RBFOX1: variants seen among roughly 807,000 people sequenced by gnomAD.
RBFOX1 encodes the protein RNA binding protein fox-1 homolog 1.
Under a neutral mutation model 57.7 loss-of-function variants are expected in RBFOX1, and 8 were observed. The observed-to-expected ratio is 0.14, with a 90% CI of 0.08 to 0.25. The LOEUF (loss-of-function observed/expected upper bound fraction) is 0.25, where lower values mean the gene tolerates loss of function less well. RBFOX1 is among the 10% of genes least tolerant of loss of function. RBFOX1 has a pLI of 1.00. For synonymous variants in RBFOX1, 326 were observed against 222.4 expected (o/e 1.47, Z -4.15); for missense variants, 611 against 548.5 (o/e 1.11, Z -1.14).
chr16:6,083,188 A>C (rs1038705737), intron 1 of RBFOX1, among the ~76,000 whole-genome samples: 5 of 152,038 alleles, frequency 3.3e-5, no homozygotes, highest in African/African-American at 1.2e-4. Context: ...TTTTTAGTGG[A>C]GATGGGGTTT....
At chr16:7,549,711 T>A (rs924665567) in intron 5 of RBFOX1, among the ~76,000 whole-genome samples, 4 of 152,106 alleles carry the variant, frequency 2.6e-5, no homozygotes, top group African/African-American at 9.7e-5. Flanking sequence ...CAGTTTAGTC[T>A]TTCCACCTTC....
intron 1 of RBFOX1, among the ~76,000 whole-genome samples, chr16:6,301,252 A>C (rs959725567): frequency 3.9e-5 from 6 of 152,224 alleles, no homozygotes; most frequent in African/African-American, 1.2e-4. Flanking sequence ...TTTCATATAC[A>C]TGAGTTCTGT....
At chr16:5,918,923 C>G (rs1270892663) in intron 4 of RBFOX1, among the ~76,000 whole-genome samples, 1 of 152,168 alleles carries the variant, frequency 6.6e-6, no homozygotes, top group African/African-American at 2.4e-5. Context: ...AATGCTGGCT[C>G]TACAGGTGCT....
intron 1 of RBFOX1, among the ~76,000 whole-genome samples, chr16:6,230,987 G>A (rs1325679424): frequency 6.6e-6 from 1 of 152,166 alleles, no homozygotes; most frequent in Non-Finnish European, 1.5e-5. Context: ...AGGAGAAATA[G>A]TGAACCAGTA....
chr16:6,562,239 C>G (rs1283518175), intron 2 of RBFOX1, among the ~76,000 whole-genome samples: 1 of 152,226 alleles, frequency 6.6e-6, no homozygotes, highest in African/African-American at 2.4e-5. Flanking sequence ...GATTTAACCA[C>G]TTTAAGACCT....
intron 4 of RBFOX1, among the ~76,000 whole-genome samples, chr16:7,119,347 C>G (rs751162936): frequency 3.9e-5 from 6 of 152,106 alleles, no homozygotes; most frequent in Non-Finnish European, 7.4e-5. Context: ...TTGTGGAACA[C>G]CTACTCTGTG....
chr16:6,750,907 A>G (rs985525241), intron 3 of RBFOX1, among the ~76,000 whole-genome samples: 3 of 152,170 alleles, frequency 2.0e-5, no homozygotes, highest in Non-Finnish European at 2.9e-5. Context: ...TTTTCTTCAG[A>G]TTAGTGGGCT....
At chr16:7,315,073 T>A (rs533394214) in intron 4 of RBFOX1, among the ~76,000 whole-genome samples, 1 of 139,116 alleles carries the variant, frequency 7.2e-6, no homozygotes, top group Non-Finnish European at 1.5e-5. Context: ...TCTTTCAAGA[T>A]ACCAGCAGAG....
At chr16:7,173,280 A>T (rs925476550) in intron 4 of RBFOX1, among the ~76,000 whole-genome samples, 2 of 152,200 alleles carry the variant, frequency 1.3e-5, no homozygotes, top group South Asian at 4.1e-4. Flanking sequence ...GTCAAATCCA[A>T]CGTGCATTTA....
rs867897741 is a variant in RBFOX1 at position 6,084,861 on chromosome 16, A to G, written c.-127+64869A>G. Among the ~76,000 whole-genome samples the G allele has an allele frequency of 5.9e-5, 9 of 152,278 alleles. No individual in the cohort carries two copies. The South Asian group carries it at 6.2e-4, about 11-fold the overall frequency. On this transcript the variant is annotated intron_variant, in intron 1 of 15. Transcript: ENST00000550418. ...GATTAAGTAATTTTGACCTTGAGCT[A>G]TCTATTTGACTTGAAGTGGCTAATG...
intron 1 of RBFOX1, among the ~76,000 whole-genome samples, chr16:5,241,159 C>A (rs117298098): frequency 7.2e-5 from 11 of 152,294 alleles, no homozygotes; most frequent in South Asian, 2.1e-4. Context: ...GCCTCAGAGC[C>A]CCCCCTGCCC....
At chr16:5,335,632 C>G (rs2064876528) in intron 1 of RBFOX1, among the ~76,000 whole-genome samples, 1 of 152,164 alleles carries the variant, frequency 6.6e-6, no homozygotes, top group African/African-American at 2.4e-5. Flanking sequence ...GGAGATAAAA[C>G]AGAAAGGTAT....
chr16:5,467,345 T>C (rs1049389619), intron 2 of RBFOX1: 2 of 1,257,576 alleles, frequency 1.6e-6, no homozygotes, highest in Admixed American at 2.1e-5. Context: ...GCCCTGCAAC[T>C]TCACTGCCCA....
intron 1 of RBFOX1, among the ~76,000 whole-genome samples, chr16:6,025,762 TC>T (rs1425632053): frequency 1.3e-5 from 2 of 152,232 alleles, no homozygotes; most frequent in African/African-American, 4.8e-5. Context: ...TTGTCCATCT[TC>T]AGAGGCTACC....
intron 3 of RBFOX1, among the ~76,000 whole-genome samples, chr16:6,914,986 C>A (rs1252374514): frequency 6.6e-6 from 1 of 152,226 alleles, no homozygotes; most frequent in Non-Finnish European, 1.5e-5. Flanking sequence ...TATTACAGCA[C>A]TATTGCCAGG....
chr16:6,453,660 G>A (rs928260728), intron 2 of RBFOX1, among the ~76,000 whole-genome samples: 4 of 152,010 alleles, frequency 2.6e-5, no homozygotes, highest in Non-Finnish European at 5.9e-5. Context: ...AGAAAAAGAG[G>A]GACTCCTCCG....
intron 1 of RBFOX1, among the ~76,000 whole-genome samples, chr16:6,063,740 C>T (rs1013343665): frequency 3.3e-5 from 5 of 152,114 alleles, no homozygotes; most frequent in African/African-American, 1.2e-4. Context: ...AGTGCACATT[C>T]CCTCCTTAGC....
At chr16:5,605,677 G>A (rs1247489631) in intron 3 of RBFOX1, among the ~76,000 whole-genome samples, 1 of 151,762 alleles carries the variant, frequency 6.6e-6, no homozygotes, top group Non-Finnish European at 1.5e-5. Context: ...GGAGGGGAGA[G>A]TGTTGTCCTT....
chr16:7,671,538 C>T, intron 13 of RBFOX1: 1 of 1,597,228 alleles, frequency 6.3e-7, no homozygotes, highest in Non-Finnish European at 8.6e-7. Context: ...GAAAACATTA[C>T]ATTTCTGTTT....
Sources: gnomAD v4.1 joint callset for allele counts (sites outside exome capture counted in the v4.1 genomes callset) on GRCh38, gnomAD v4.1.1 for gene constraint, MANE v1.5 for transcripts, NCBI Gene and HGNC (gene_info 2026-07-23, HGNC 2026-07-21) for gene names.